ZBTB7C: variants seen among roughly 807,000 people sequenced by gnomAD.
ZBTB7C encodes zinc finger and BTB domain containing 7C.
A neutral mutation model predicts 25.7 loss-of-function variants in ZBTB7C; 8 were observed. The ratio of observed to expected loss-of-function variants is 0.31; its 90% CI spans 0.18 to 0.56. The LOEUF (loss-of-function observed/expected upper bound fraction) is 0.56, where lower values mean the gene tolerates loss of function less well. Among genes scored for constraint, ZBTB7C ranks in the 20% least tolerant of loss-of-function variants. The pLI is 0.91. For synonymous variants in ZBTB7C, 394 were observed against 369.0 expected, an observed-to-expected ratio of 1.07 and a Z score of -0.78; for missense variants, 824 against 855.2, an observed-to-expected ratio of 0.96 and a Z score of 0.46.
chr18:48,151,206 A>G (rs1353968865), intron 3 of ZBTB7C, among the ~76,000 whole-genome samples: 1 of 152,140 alleles, frequency 6.6e-6, no homozygotes, highest in Non-Finnish European at 1.5e-5. Flanking sequence ...AAGCATGTTC[A>G]CCACAGTGAT....
intron 2 of ZBTB7C, among the ~76,000 whole-genome samples, chr18:48,215,800 C>CACAGTAGACAGAT (rs2042809909): frequency 6.6e-6 from 1 of 152,150 alleles, no homozygotes; most frequent in Middle Eastern, 3.2e-3. Context: ...AAATTTCCCC[C>CACAGTAGACAGAT]ACAGTAGACA....
At chr18:48,106,350 A>G (rs1325510258) in intron 3 of ZBTB7C, among the ~76,000 whole-genome samples, 10 of 151,162 alleles carry the variant, frequency 6.6e-5, no homozygotes, top group Non-Finnish European at 1.5e-4. Flanking sequence ...GGCAAGAAAA[A>G]AAAAAAAAGA....
intron 2 of ZBTB7C, among the ~76,000 whole-genome samples, chr18:48,209,266 A>T (rs1288862923): frequency 6.6e-6 from 1 of 152,236 alleles, no homozygotes; most frequent in African/African-American, 2.4e-5. Flanking sequence ...GGAAGCTGGC[A>T]TCTGGGAACT....
chr18:48,145,167 G>A (rs902956964), intron 3 of ZBTB7C, among the ~76,000 whole-genome samples: 1 of 152,164 alleles, frequency 6.6e-6, no homozygotes, highest in African/African-American at 2.4e-5. Flanking sequence ...AAGCCCTGCT[G>A]ACTATATGTC....
At chr18:48,063,500 G>T (rs2037202871) in intron 3 of ZBTB7C, among the ~76,000 whole-genome samples, 1 of 152,212 alleles carries the variant, frequency 6.6e-6, no homozygotes, top group Non-Finnish European at 1.5e-5. Flanking sequence ...TAACAGAACT[G>T]GGAAGAAAGG....
At position 48,396,907 on chromosome 18, in the gene ZBTB7C, G is replaced by A. The variant is rs144141610; in HGVS notation, c.-304+12319C>T. Among the ~76,000 whole-genome samples, 7 of 152,286 alleles carry A rather than the reference G, an allele frequency of 4.6e-5. No individual in the cohort carries two copies. The South Asian group carries it at 8.3e-4, about 18-fold the overall frequency. On this transcript the variant is annotated intron_variant, in intron 1 of 4. Transcript: ENST00000590800. ...ATAGAATTATAAAGCATAGGTGGAC[G>A]CCTACCTCTGGGATGTCTTATCACC...
chr18:48,194,630 T>C (rs1173898599), intron 2 of ZBTB7C, among the ~76,000 whole-genome samples: 1 of 152,076 alleles, frequency 6.6e-6, no homozygotes, highest in African/African-American at 2.4e-5. Flanking sequence ...GGGGAGATTC[T>C]TAGCAACGCT....
At chr18:48,344,523 A>G (rs2046682392) in intron 1 of ZBTB7C, among the ~76,000 whole-genome samples, 1 of 152,174 alleles carries the variant, frequency 6.6e-6, no homozygotes, top group Non-Finnish European at 1.5e-5. Context: ...AGGGGGAAAA[A>G]AAGGGAGACA....
chr18:48,187,257 T>A (rs555856705), intron 2 of ZBTB7C, among the ~76,000 whole-genome samples: 1 of 152,306 alleles, frequency 6.6e-6, no homozygotes, highest in East Asian at 1.9e-4. Flanking sequence ...TATCTGTACA[T>A]CCACGTTCAT....
At chr18:48,210,314 T>A (rs560338183) in intron 2 of ZBTB7C, among the ~76,000 whole-genome samples, 1 of 152,324 alleles carries the variant, frequency 6.6e-6, no homozygotes, top group South Asian at 2.1e-4. Flanking sequence ...ATTTCACTCC[T>A]AAATATATAC....
intron 1 of ZBTB7C, among the ~76,000 whole-genome samples, chr18:48,356,227 C>G (rs1444451570): frequency 6.6e-6 from 1 of 152,142 alleles, no homozygotes; most frequent in African/African-American, 2.4e-5. Context: ...GACCCCATCC[C>G]CAGGTATTTC....
intron 3 of ZBTB7C, among the ~76,000 whole-genome samples, chr18:48,160,685 C>T (rs558374875): frequency 2.2e-4 from 33 of 152,310 alleles, no homozygotes; most frequent in African/African-American, 7.9e-4. Flanking sequence ...ACCTACCAAT[C>T]TCCCCCTTGC....
intron 2 of ZBTB7C, among the ~76,000 whole-genome samples, chr18:48,264,073 A>T (rs1003546075): frequency 6.6e-6 from 1 of 152,194 alleles, no homozygotes; most frequent in Admixed American, 6.5e-5. Flanking sequence ...ACTTCATCCT[A>T]AAAGAAGGAA....
At chr18:48,051,098 C>A (rs1568177874) in intron 3 of ZBTB7C, among the ~76,000 whole-genome samples, 1 of 152,218 alleles carries the variant, frequency 6.6e-6, no homozygotes, top group Non-Finnish European at 1.5e-5. Context: ...CCAGCCCCAA[C>A]ATCATCGCCA....
intron 2 of ZBTB7C, among the ~76,000 whole-genome samples, chr18:48,213,865 G>A (rs528010054): frequency 6.6e-6 from 1 of 152,326 alleles, no homozygotes; most frequent in Admixed American, 6.5e-5. Context: ...GCTTTCATGT[G>A]AGGTGGTTCC....
intron 2 of ZBTB7C, among the ~76,000 whole-genome samples, chr18:48,291,946 T>C (rs556062844): frequency 1.6e-4 from 25 of 152,112 alleles, no homozygotes; most frequent in African/African-American, 5.3e-4. Flanking sequence ...ACCTGTAATC[T>C]CAGCACTTTG....
At chr18:48,065,335 T>TCACA (rs561805409) in intron 3 of ZBTB7C, among the ~76,000 whole-genome samples, 15 of 150,836 alleles carry the variant, frequency 9.9e-5, no homozygotes, top group East Asian at 1.9e-4. Context: ...TCTCTCTCTC[T>TCACA]CACACACACA....
chr18:48,250,573 A>T (rs1045021925), intron 2 of ZBTB7C, among the ~76,000 whole-genome samples: 7 of 144,562 alleles, frequency 4.8e-5, no homozygotes, highest in Admixed American at 2.0e-4. Flanking sequence ...CATACTTAAT[A>T]AAAAAACCCA....
At chr18:48,203,138 G>A (rs2042495918) in intron 2 of ZBTB7C, among the ~76,000 whole-genome samples, 2 of 152,142 alleles carry the variant, frequency 1.3e-5, no homozygotes, top group Non-Finnish European at 2.9e-5. Context: ...TCTGCCATGA[G>A]AGTCTTCCCC....
Sources: gnomAD v4.1 joint callset for allele counts (sites outside exome capture counted in the v4.1 genomes callset) on GRCh38, gnomAD v4.1.1 for gene constraint, MANE v1.5 for transcripts, NCBI Gene and HGNC (gene_info 2026-07-23, HGNC 2026-07-21) for gene names.